The following RAB11FIP4 variants were observed in gnomAD, a reference collection of about 807,000 sequenced individuals.
The protein encoded by RAB11FIP4 is rab11 family-interacting protein 4.
RAB11FIP4 carries 23 observed loss-of-function variants against 74.3 expected under a neutral mutation model. The ratio of observed to expected loss-of-function variants is 0.31; its 90% CI spans 0.22 to 0.44. RAB11FIP4 has a LOEUF of 0.44. RAB11FIP4 is among the 20% of genes least tolerant of loss of function. RAB11FIP4 has a pLI of 1.00. For synonymous variants in RAB11FIP4, 360 were observed against 359.9 expected, an observed-to-expected ratio of 1.00 and a Z score of 0.00; for missense variants, 630 against 863.9, an observed-to-expected ratio of 0.73 and a Z score of 3.39.
chr17:31,514,089 G>A (rs940097668), intron 3 of RAB11FIP4, among the ~76,000 whole-genome samples: 2 of 152,266 alleles, frequency 1.3e-5, no homozygotes, highest in African/African-American at 4.8e-5. Context: ...GCCCGAGGAG[G>A]TGGTGGTCTT....
At chr17:31,440,266 T>G (rs1179950164) in intron 3 of RAB11FIP4, among the ~76,000 whole-genome samples, 3 of 152,218 alleles carry the variant, frequency 2.0e-5, no homozygotes, top group African/African-American at 7.2e-5. Flanking sequence ...GAGTTCCTAA[T>G]GTTGAATAGT....
intron 1 of RAB11FIP4, among the ~76,000 whole-genome samples, chr17:31,418,463 ATTT>A (rs71142049): frequency 7.4e-6 from 1 of 134,258 alleles, no homozygotes; most frequent in Non-Finnish European, 1.5e-5. Flanking sequence ...AGTTCCCTTG[ATTT>A]TTTTTTTTTT....
chr17:31,451,965 T>C (rs1410754294), intron 3 of RAB11FIP4, among the ~76,000 whole-genome samples: 1 of 152,174 alleles, frequency 6.6e-6, no homozygotes, highest in East Asian at 1.9e-4. Context: ...ACTGCATATG[T>C]TGTGTAATGA....
chr17:31,434,285 C>T (rs2071338676), intron 3 of RAB11FIP4, among the ~76,000 whole-genome samples, 163 bp downstream of exon 3: 1 of 152,124 alleles, frequency 6.6e-6, no homozygotes, highest in African/African-American at 2.4e-5. Flanking sequence ...AGCCCTGAGT[C>T]CCCTTGGGAA....
intron 1 of RAB11FIP4, among the ~76,000 whole-genome samples, chr17:31,411,547 G>T (rs181470317): frequency 1.3e-5 from 2 of 152,298 alleles, no homozygotes; most frequent in African/African-American, 4.8e-5. Flanking sequence ...GGTGCCACAC[G>T]CCTGAGTCCT....
At chr17:31,410,854 C>T (rs2071087111) in intron 1 of RAB11FIP4, among the ~76,000 whole-genome samples, 3 of 152,230 alleles carry the variant, frequency 2.0e-5, no homozygotes, top group Admixed American at 6.5e-5. Flanking sequence ...TGAGGTCCAC[C>T]AGCCGCCCAA....
intron 3 of RAB11FIP4, among the ~76,000 whole-genome samples, chr17:31,510,053 T>C (rs917670465): frequency 6.6e-6 from 1 of 152,270 alleles, no homozygotes; most frequent in East Asian, 1.9e-4. Context: ...ACAGCCAAGA[T>C]TGCGTACCAG....
chr17:31,396,901 T>C (rs986062838), intron 1 of RAB11FIP4, among the ~76,000 whole-genome samples: 4 of 152,106 alleles, frequency 2.6e-5, no homozygotes, highest in Non-Finnish European at 5.9e-5. Context: ...GGAAATGAAA[T>C]GATGGTCCCC....
At chr17:31,436,582 C>T (rs1369033750) in intron 3 of RAB11FIP4, among the ~76,000 whole-genome samples, 3 of 152,050 alleles carry the variant, frequency 2.0e-5, no homozygotes, top group Non-Finnish European at 4.4e-5. Context: ...GGGCCTCCAC[C>T]AAGGTACTCT....
chr17:31,399,968 A>G (rs1597895975), intron 1 of RAB11FIP4, among the ~76,000 whole-genome samples: 1 of 144,756 alleles, frequency 6.9e-6, no homozygotes, highest in African/African-American at 2.6e-5. Flanking sequence ...GCTTAAACCC[A>G]GGAGGAGGAG....
intron 3 of RAB11FIP4, among the ~76,000 whole-genome samples, chr17:31,447,563 C>T (rs2071478967): frequency 6.6e-6 from 1 of 152,146 alleles, no homozygotes; most frequent in African/African-American, 2.4e-5. Flanking sequence ...TCACTCATTG[C>T]CCAGGCTGGA....
chr17:31,530,834 C>T (rs892659213), intron 14 of RAB11FIP4: 1 of 209,706 alleles, frequency 4.8e-6, no homozygotes, highest in Non-Finnish European at 9.8e-6. Flanking sequence ...TTCCCCAGCA[C>T]CTGCTTCTGC....
intron 1 of RAB11FIP4, among the ~76,000 whole-genome samples, chr17:31,411,343 G>A (rs773856639): frequency 2.6e-5 from 4 of 152,188 alleles, no homozygotes; most frequent in Admixed American, 6.5e-5. Flanking sequence ...CAGCCTGGGC[G>A]ACAGAGTGCG....
At chr17:31,445,566 ATATATATATATATTTTTTTT>A (rs1567658328) in intron 3 of RAB11FIP4, among the ~76,000 whole-genome samples, 430 of 12,430 alleles carry the variant, frequency 0.035, 24 homozygotes, top group African/African-American at 0.11. Context: ...ATATATATAT[ATATATATATATATTTTTTTT>A]TTTTTTTTTT....
chr17:31,487,504 T>C (rs1209293940), intron 3 of RAB11FIP4, among the ~76,000 whole-genome samples: 1 of 152,134 alleles, frequency 6.6e-6, no homozygotes, highest in Non-Finnish European at 1.5e-5. Flanking sequence ...CTTGGTTCTT[T>C]GTGTTCCTGG....
rs2071406805 is a variant in RAB11FIP4, at chr17:31,441,507, A to C, written c.336+7385A>C. Among the ~76,000 whole-genome samples the C allele has an allele frequency of 1.3e-5, 2 of 150,396 alleles. 1 individual carries two copies. Among genetic ancestry groups the C allele is most frequent in the South Asian group, 4.2e-4 (2 of 4,748 alleles). ...TAATCTTGTCATGATAACCCTATTA[A>C]ACTCTCCTTATTTTATTTATTTATT... On this transcript the variant is annotated intron_variant, in intron 3 of 14. Coordinates refer to ENST00000621161, the MANE Select transcript of RAB11FIP4 (RefSeq NM_032932.6).
At chr17:31,405,588 G>A (rs1028963875) in intron 1 of RAB11FIP4, among the ~76,000 whole-genome samples, 2 of 152,132 alleles carry the variant, frequency 1.3e-5, no homozygotes, top group Non-Finnish European at 2.9e-5. Flanking sequence ...GGCAAGGCTG[G>A]TCTGGAACTC....
chr17:31,526,645 CCATTTAAA>C (rs2072772049), intron 10 of RAB11FIP4: 1 of 152,360 alleles, frequency 6.6e-6, no homozygotes, highest in Non-Finnish European at 1.5e-5. Flanking sequence ...TATTCTCAGA[CCATTTAAA>C]ACTGACCTGA....
At chr17:31,504,216 T>C (rs6505249) in intron 3 of RAB11FIP4, among the ~76,000 whole-genome samples, 143,722 of 146,850 alleles carry the variant, frequency 0.98, 70,389 homozygotes, top group Middle Eastern at 1. Flanking sequence ...CTGCAAGCTC[T>C]GCCTCCTGGG....
Sources: gnomAD v4.1 joint callset for allele counts (sites outside exome capture counted in the v4.1 genomes callset) on GRCh38, gnomAD v4.1.1 for gene constraint, MANE v1.5 for transcripts, NCBI Gene and HGNC (gene_info 2026-07-23, HGNC 2026-07-21) for gene names.